PLA2G5: variants seen among roughly 807,000 people sequenced by gnomAD.
PLA2G5 encodes phospholipase A2 group V, also known as Ca2+-dependent phospholipase A2.
A neutral mutation model predicts 15.9 loss-of-function variants in PLA2G5; 12 were observed. That is an observed-to-expected ratio of 0.76 (90% CI 0.48 to 1.23). The LOEUF (loss-of-function observed/expected upper bound fraction) is 1.23. PLA2G5 is among the 50% of genes most tolerant of loss of function. The pLI, the probability that PLA2G5 is intolerant of heterozygous loss-of-function variation, is 0.00. For missense variants in PLA2G5, 169 were observed against 177.1 expected, an observed-to-expected ratio of 0.95 and a Z score of 0.26; for synonymous variants, 71 against 71.4, an observed-to-expected ratio of 0.99 and a Z score of 0.03.
intron 1 of PLA2G5, among the ~76,000 whole-genome samples, chr1:20,037,773 T>C (rs1021993791): frequency 1.3e-5 from 2 of 152,134 alleles, no homozygotes; most frequent in African/African-American, 4.8e-5. Flanking sequence ...TAAGTAAGTA[T>C]TCAGGTTTTT....
At chr1:20,062,459 G>C (rs11579256) in intron 2 of PLA2G5, among the ~76,000 whole-genome samples, 1,622 of 152,214 alleles carry the variant, frequency 0.011, 30 homozygotes, top group African/African-American at 0.037. Flanking sequence ...GGCTTCAGGG[G>C]AATCAAAGCA....
At chr1:20,066,988 AGAGT>A (rs1210510005), upstream of PLA2G5, among the ~76,000 whole-genome samples, 2 of 122,586 alleles carry the variant, frequency 1.6e-5, no homozygotes, top group African/African-American at 6.1e-5. Flanking sequence ...CCTGAGTGAC[AGAGT>A]GAGACCTTGT....
intron 1 of PLA2G5, among the ~76,000 whole-genome samples, chr1:20,037,814 A>G (rs2013351039): frequency 6.6e-6 from 1 of 152,088 alleles, no homozygotes; most frequent in South Asian, 2.1e-4. Context: ...AGAGCTCCCA[A>G]GAGATTATGT....
At chr1:20,082,404 C>T (rs955877911) in intron 1 of PLA2G5, among the ~76,000 whole-genome samples, 4 of 151,622 alleles carry the variant, frequency 2.6e-5, no homozygotes, top group Non-Finnish European at 5.9e-5. Context: ...CCTTACCAGC[C>T]GAACGTCCCT....
chr1:20,082,042 CA>C (rs11573255), intron 1 of PLA2G5, among the ~76,000 whole-genome samples: 2 of 151,008 alleles, frequency 1.3e-5, no homozygotes, highest in Non-Finnish European at 2.9e-5. Context: ...CAGAGTGAGA[CA>C]AAAAAAAGAA....
upstream of PLA2G5, among the ~76,000 whole-genome samples, chr1:20,066,538 T>C (rs1465406786): frequency 1.3e-5 from 2 of 152,254 alleles, no homozygotes; most frequent in Non-Finnish European, 2.9e-5. Context: ...ATTTCCACCT[T>C]CCTTACAAGA....
At chr1:20,063,718 G>A (rs755730531) in intron 2 of PLA2G5, 1 of 152,202 alleles carries the variant, frequency 6.6e-6, no homozygotes, top group Admixed American at 6.5e-5. Context: ...AGTTGGAGGA[G>A]CTCTTAACAC....
intron 1 of PLA2G5, among the ~76,000 whole-genome samples, chr1:20,034,009 G>A (rs569563224): frequency 8.5e-5 from 13 of 152,180 alleles, no homozygotes; most frequent in Middle Eastern, 3.4e-3. Context: ...GATTTGGGAC[G>A]GCCAAAGAAT....
At chr1:20,050,607 A>C (rs370380237) in intron 1 of PLA2G5, among the ~76,000 whole-genome samples, 3 of 152,208 alleles carry the variant, frequency 2.0e-5, no homozygotes, top group Non-Finnish European at 2.9e-5. Context: ...AACTTTATAG[A>C]TTGTAAAATT....
chr1:20,086,436 TGTA>T (rs1172603552), intron 3 of PLA2G5, among the ~76,000 whole-genome samples: 2 of 152,222 alleles, frequency 1.3e-5, no homozygotes, highest in Non-Finnish European at 2.9e-5. Flanking sequence ...TGGTCCTCAA[TGTA>T]GTAGCTTATA....
At chr1:20,067,097 G>A (rs1253033959), upstream of PLA2G5, among the ~76,000 whole-genome samples, 1 of 152,068 alleles carries the variant, frequency 6.6e-6, no homozygotes, top group East Asian at 2.0e-4. Flanking sequence ...TGAGGCTCAA[G>A]CGATCCTCCC....
upstream of PLA2G5, among the ~76,000 whole-genome samples, chr1:20,068,246 T>G (rs2015154093): frequency 6.6e-6 from 1 of 152,220 alleles, no homozygotes; most frequent in Admixed American, 6.6e-5. Flanking sequence ...AATTTCTGCC[T>G]CATACTACAC....
intron 1 of PLA2G5, among the ~76,000 whole-genome samples, chr1:20,038,742 C>T (rs1444372915): frequency 1.3e-5 from 2 of 152,182 alleles, no homozygotes; most frequent in East Asian, 3.9e-4. Context: ...TTGGACACTG[C>T]ACTCTGGCAT....
chr1:20,082,249 G>A (rs1426461305), intron 1 of PLA2G5, among the ~76,000 whole-genome samples: 1 of 151,778 alleles, frequency 6.6e-6, no homozygotes, highest in African/African-American at 2.4e-5. Flanking sequence ...CATACTTCAG[G>A]GGTCTTGTTT....
At chr1:20,043,923 T>C (rs1702083) in intron 1 of PLA2G5, among the ~76,000 whole-genome samples, 150,411 of 152,292 alleles carry the variant, frequency 0.99, 74,299 homozygotes, top group East Asian at 1. Flanking sequence ...CAGGGGGCTT[T>C]CGAGGTGATT....
intron 1 of PLA2G5, among the ~76,000 whole-genome samples, chr1:20,072,244 A>C (rs1172617664): frequency 6.6e-6 from 1 of 152,016 alleles, no homozygotes; most frequent in African/African-American, 2.4e-5. Context: ...CAAGCTGTAC[A>C]TTTTACTTAT....
chr1:20,067,102 C>T (rs1409049089), upstream of PLA2G5, among the ~76,000 whole-genome samples: 2 of 152,026 alleles, frequency 1.3e-5, no homozygotes, highest in South Asian at 2.1e-4. Context: ...CTCAAGCGAT[C>T]CTCCCACCTT....
intron 4 of PLA2G5, among the ~76,000 whole-genome samples, chr1:20,090,096 A>C (rs1306524558): frequency 1.3e-5 from 2 of 152,132 alleles, no homozygotes. Flanking sequence ...AGTGCTTGAC[A>C]TGCTTCCTTT....
intron 1 of PLA2G5, among the ~76,000 whole-genome samples, chr1:20,057,248 C>G (rs2014479487): frequency 1.3e-5 from 2 of 150,812 alleles, no homozygotes; most frequent in South Asian, 4.2e-4. Flanking sequence ...TTTTCTTCTA[C>G]TTACTTTGGA....
Sources: allele counts gnomAD v4.1 joint callset (sites outside exome capture counted in the v4.1 genomes callset), GRCh38; gene constraint gnomAD v4.1.1; transcripts MANE v1.5; gene names NCBI Gene and HGNC (gene_info 2026-07-23, HGNC 2026-07-21).